Variants in CALR observed in about 807,000 individuals in gnomAD.
CALR encodes CRP55.
CALR carries 15 observed loss-of-function variants against 51.1 expected under a neutral mutation model. The ratio of observed to expected loss-of-function variants is 0.29; its 90% confidence interval spans 0.20 to 0.45. The LOEUF (loss-of-function observed/expected upper bound fraction) is 0.45, where lower values mean the gene tolerates loss of function less well. Among genes scored for constraint, CALR ranks in the 20% least tolerant of loss-of-function variants. The pLI is 1.00. For synonymous variants in CALR, 239 were observed against 205.9 expected (o/e 1.16, Z -1.38); for missense variants, 477 against 530.6 (o/e 0.90, Z 0.99).
intron 7 of CALR, among the ~76,000 whole-genome samples, chr19:12,941,553 G>A (rs932358513): frequency 6.8e-6 from 1 of 147,494 alleles, no homozygotes; most frequent in Non-Finnish European, 1.5e-5. Flanking sequence ...CTCACTGCAA[G>A]CTCCGCACGA....
chr19:12,940,275 T>C lies in CALR; in HGVS notation c.525T>C (p.Ile175=), dbSNP rs755463862. Residue 175 remains isoleucine, a synonymous_variant, in exon 5 of 9, where the codon ATT becomes ATC. Transcript: ENST00000316448. The part of the protein sequence containing the change: ...DDEFTHLYTL[I]VRPDNTYEVK... Reference sequence around the variant, plus strand: ...AGTTTACACACCTGTACACACTGATTGTGCGGCCAGACAACACCTATGAGG... The same window carrying C: ...AGTTTACACACCTGTACACACTGATCGTGCGGCCAGACAACACCTATGAGG... 1.2e-6 allele frequency: 2 copies of C among 1,614,190 alleles called. No individual in the cohort carries two copies. Among genetic ancestry groups the C allele is most frequent in the South Asian group, 1.1e-5 (1 of 91,086 alleles).
rs112182567 is a variant in CALR, at chr19:12,943,631, T to C, written c.1053+2T>C. 6.2e-7 allele frequency: 1 copy of C among 1,613,844 alleles called. No homozygotes were observed. The highest frequency in any genetic ancestry group is 1.7e-5 in the Admixed American group (1 of 59,968). On this transcript the variant is annotated splice_donor_variant, in intron 8 of 8. Coordinates refer to ENST00000316448, the MANE Select transcript of CALR (RefSeq NM_004343.4). LOFTEE classifies it high-confidence loss of function. ...AACGAGACGTGGGGCGTAACAAAGG[T>C]GAGGCCTGGTCCTGGTCCTGATGTC...
rs531094913 is a variant in CALR, at chr19:12,938,625, C to T, written c.-55C>T. ...GCGGCGTCCGTCCGTACTGCAGAGC[C>T]GCTGCCGGAGGGTCGTTTTAAAGGG... On this transcript the variant is annotated 5_prime_UTR_variant, in exon 1 of 9. Transcript: ENST00000316448. The T allele has an allele frequency of 1.7e-5, 24 of 1,385,532 alleles. No individual in the cohort carries two copies. Among genetic ancestry groups the T allele is most frequent in the South Asian group, 7.3e-5 (6 of 81,900 alleles). 85.8% of individuals were successfully genotyped at this position (1,385,532 alleles called of 1,614,324 possible).
chr19:12,943,671 C>T, intron 8 of CALR, 42 bp downstream of exon 8: 2 of 1,614,076 alleles, frequency 1.2e-6, no homozygotes, highest in Non-Finnish European at 1.7e-6. Flanking sequence ...GCGGGCAGGG[C>T]TGGCAGGGGG....
chr19:12,941,856 G>A lies in CALR; in HGVS notation c.960+969G>A, dbSNP rs995044715. 7.3e-5 allele frequency among the ~76,000 whole-genome samples: 11 copies of A among 151,402 alleles called. No individual in the cohort carries two copies. The South Asian group carries it at 2.1e-3, about 29-fold the overall frequency. ...TGGCCTCAGGTCATCTGCCCGCCTC[G>A]GCCTCCCAAAGTGCTGGGATTACAA... On this transcript the variant is annotated intron_variant, in intron 7 of 8. Transcript: ENST00000316448.
chr19:12,940,320 G>A lies in CALR; in HGVS notation c.570G>A (p.Gln190=), dbSNP rs1205640192. 1 of 1,614,086 alleles carries A rather than the reference G, an allele frequency of 6.2e-7. No homozygotes were observed. The highest frequency in any genetic ancestry group is 1.3e-5 in the African/African-American group (1 of 74,930). Residue 190 remains glutamine, a synonymous_variant, in exon 5 of 9, where the codon CAG becomes CAA. Coordinates refer to ENST00000316448, the MANE Select transcript of CALR (RefSeq NM_004343.4). ...ATGAGGTGAAGATTGACAACAGCCA[G>A]GTGGAGTCCGGCTCCTTGGAAGACG... ...NTYEVKIDNS[Q]VESGSLEDDW... is the part of the protein sequence containing the mutation.
chr19:12,938,701 C>G lies in CALR; in HGVS notation c.22C>G (p.Leu8Val), dbSNP rs941288230. 5 of 1,611,188 alleles carry G rather than the reference C, an allele frequency of 3.1e-6. No homozygotes were observed. Among genetic ancestry groups the G allele is most frequent in the Non-Finnish European group, 3.4e-6 (4 of 1,179,328 alleles). The change falls in exon 1 of 9, where the codon CTG (leucine) becomes GTG (valine). Residue 8 changes from leucine to valine, a missense_variant. Coordinates refer to ENST00000316448, the MANE Select transcript of CALR (RefSeq NM_004343.4). The part of the protein sequence containing the change: MLLSVPL[L>V]LGLLGLAVAE... ...CGCCATGCTGCTATCCGTGCCGCTG[C>G]TGCTCGGCCTCCTCGGCCTGGCCGT... is the stretch of plus-strand genomic sequence containing the variant.
intron 7 of CALR, among the ~76,000 whole-genome samples, chr19:12,942,288 G>A (rs1325127090): frequency 4.0e-5 from 6 of 151,592 alleles, no homozygotes; most frequent in African/African-American, 7.3e-5. Flanking sequence ...ACGTGAACCC[G>A]GGAGGCGGAG....
chr19:12,939,764 A>G (rs1329128719), intron 3 of CALR, 133 bp downstream of exon 3: 4 of 814,950 alleles, frequency 4.9e-6, no homozygotes, highest in Non-Finnish European at 4.3e-6. Flanking sequence ...AATTTATTGC[A>G]TTATGATCGC....
chr19:12,940,959 CAGGGT>C (rs1292704072), intron 7 of CALR, 72 bp downstream of exon 7: 2 of 1,458,156 alleles, frequency 1.4e-6, no homozygotes, highest in African/African-American at 2.8e-5. Flanking sequence ...AGGAAAGGGA[CAGGGT>C]AGGCACCCCA....
In CALR at chr19:12,944,068, C is replaced by A. The variant is rs922991878; in HGVS notation, c.*155C>A. The stretch of plus-strand genomic sequence containing the variant: ...TTTGGTTTTGTTCCCCTCCTCCACT[C>A]TCCCCCACCCCCTCCCCGCCCTTTT... On this transcript the variant is annotated 3_prime_UTR_variant, in exon 9 of 9. Coordinates refer to ENST00000316448, the MANE Select transcript of CALR (RefSeq NM_004343.4). 5 of 1,163,882 alleles carry A rather than the reference C, an allele frequency of 4.3e-6. No individual in the cohort carries two copies. The highest frequency in any genetic ancestry group is 1.6e-5 in the African/African-American group (1 of 62,764). 72.1% of individuals were successfully genotyped at this position (1,163,882 alleles called of 1,614,324 possible). A position where few individuals can be genotyped will look rare whatever the true frequency, so the allele number is the denominator to read the frequency against.
rs1293086924 is a variant in CALR, at chr19:12,944,142, C to G, written c.*229C>G. On this transcript the variant is annotated 3_prime_UTR_variant, in exon 9 of 9. Transcript: ENST00000316448. ...TTTTATCTTTGATTCTCCTTCAGCC[C>G]TCACCCCTGGTTCTCATCTTTCTTG... The G allele has an allele frequency of 1.8e-5, 12 of 652,762 alleles. No homozygotes were observed. The highest frequency in any genetic ancestry group is 3.1e-5 in the Admixed American group (1 of 32,036). 40.4% of individuals were successfully genotyped at this position (652,762 alleles called of 1,614,324 possible). A position where few individuals can be genotyped will look rare whatever the true frequency, so the allele number is the denominator to read the frequency against.
Position 12,938,674 on chromosome 19 carries a change from C to T in CALR, c.-6C>T, listed in dbSNP as rs1420165656. 1.2e-6 allele frequency: 2 copies of T among 1,606,976 alleles called. No individual in the cohort carries two copies. The highest frequency in any genetic ancestry group is 2.2e-5 in the East Asian group (1 of 44,598). Reference sequence around the variant, plus strand: ...GGCCCGCGCGTTGCCGCCCCCTCGGCCCGCCATGCTGCTATCCGTGCCGCT... The same window carrying T: ...GGCCCGCGCGTTGCCGCCCCCTCGGTCCGCCATGCTGCTATCCGTGCCGCT... On this transcript the variant is annotated 5_prime_UTR_variant, in exon 1 of 9. Transcript: ENST00000316448.
chr19:12,941,510 C>T (rs565639226), intron 7 of CALR, among the ~76,000 whole-genome samples: 31 of 144,658 alleles, frequency 2.1e-4, no homozygotes, highest in Middle Eastern at 3.7e-3. Context: ...CTTGCTCTGT[C>T]GCCCAGGCTG....
In CALR at chr19:12,944,076, C is replaced by A; in HGVS notation, c.*163C>A. ...TGTTCCCCTCCTCCACTCTCCCCCA[C>A]CCCCTCCCCGCCCTTTTTTTTTTTT... On this transcript the variant is annotated 3_prime_UTR_variant, in exon 9 of 9. Transcript: ENST00000316448. The A allele has an allele frequency of 9.0e-7, 1 of 1,109,880 alleles. No homozygotes were observed. The highest frequency in any genetic ancestry group is 1.3e-6 in the Non-Finnish European group (1 of 788,526). The allele number at this position is 1,109,880 out of a possible 1,614,324, so 68.8% of individuals were successfully genotyped here.
chr19:12,943,077 CTTTTTTTT>C (rs56396276), intron 7 of CALR: 1 of 76,936 alleles, frequency 1.3e-5, no homozygotes, highest in South Asian at 2.8e-4. Context: ...ATCTTTCCAT[CTTTTTTTT>C]TTTTTTTTTT....
In CALR at chr19:12,940,084, G is replaced by T. The variant is rs765257046; in HGVS notation, c.429G>T (p.Lys143Asn). The T allele has an allele frequency of 6.2e-6, 10 of 1,614,124 alleles. No homozygotes were observed. In the South Asian group the frequency reaches 1.1e-4, roughly 18 times the overall value. The change falls in exon 4 of 9, where the codon AAG (lysine) becomes AAT (asparagine). Residue 143 changes from lysine (K) to asparagine (N), a missense_variant. Lys to Asn is a moderately conservative substitution (Grantham distance 94). Coordinates refer to ENST00000316448, the MANE Select transcript of CALR (RefSeq NM_004343.4). ...ACATCTGTGGCCCTGGCACCAAGAA[G>T]GTTCATGTCATCTTCAACTACAAGG... ...GPDICGPGTK[K>N]VHVIFNYKGK...
rs1303444844 is a variant in CALR, at chr19:12,940,761, G to A, written c.834G>A (p.Arg278=). 1 of 1,614,132 alleles carries A rather than the reference G, an allele frequency of 6.2e-7. No individual in the cohort carries two copies. Among genetic ancestry groups the A allele is most frequent in the Non-Finnish European group, 8.5e-7 (1 of 1,180,028 alleles). Residue 278 remains arginine (R), a synonymous_variant, in exon 7 of 9, where the codon CGG becomes CGA. Transcript: ENST00000316448. The part of the protein sequence containing the change: ...NPEYKGEWKP[R]QIDNPDYKGT... ...TTCTGCAGGGTGAGTGGAAGCCCCGGCAGATCGACAACCCAGATTACAAGG... is the reference window on the plus strand; with the variant it reads ...TTCTGCAGGGTGAGTGGAAGCCCCGACAGATCGACAACCCAGATTACAAGG...
Position 12,939,585 on chromosome 19 carries a change from G to A in CALR, c.351G>A (p.Leu117=). The change falls in exon 3 of 9, where the codon TTG becomes TTA. Residue 117 remains leucine (L), a synonymous_variant. Transcript: ENST00000316448. ...ATGTGAAGCTGTTTCCTAATAGTTT[G>A]GACCAGACAGACATGCACGGAGACT... The part of the protein sequence containing the change: ...GGYVKLFPNS[L]DQTDMHGDSE... 6.2e-7 allele frequency: 1 copy of A among 1,614,104 alleles called. No individual in the cohort carries two copies. Among genetic ancestry groups the A allele is most frequent in the Non-Finnish European group, 8.5e-7 (1 of 1,180,018 alleles).
Sources: allele counts gnomAD v4.1 joint callset (sites outside exome capture counted in the v4.1 genomes callset), GRCh38; gene constraint gnomAD v4.1.1; transcripts MANE v1.5; gene names NCBI Gene and HGNC (gene_info 2026-07-23, HGNC 2026-07-21).